The following MRPL3 variants were observed in gnomAD, a reference collection of about 807,000 sequenced individuals.
MRPL3 encodes the protein large ribosomal subunit protein uL3m.
Under a neutral mutation model 44.3 loss-of-function variants are expected in MRPL3, and 43 were observed. The ratio of observed to expected loss-of-function variants is 0.97; its 90% CI spans 0.76 to 1.25. The LOEUF is 1.25. Among genes scored for constraint, MRPL3 ranks in the 50% most tolerant of loss-of-function variants. The pLI is 0.00. For synonymous variants in MRPL3, 171 were observed against 152.3 expected (o/e 1.12, Z -0.91); for missense variants, 406 against 427.6 (o/e 0.95, Z 0.45).
chr3:131,474,193 C>T (rs759427113), intron 6 of MRPL3, among the ~76,000 whole-genome samples: 62 of 152,150 alleles, frequency 4.1e-4, no homozygotes, highest in Admixed American at 1.3e-4. Context: ...GGCACATATA[C>T]ACATGGAATA....
intron 2 of MRPL3, among the ~76,000 whole-genome samples, chr3:131,501,244 G>A (rs1934491107): frequency 6.6e-6 from 1 of 152,118 alleles, no homozygotes; most frequent in African/African-American, 2.4e-5. Context: ...TTTCTTTCCT[G>A]ACTTATATTC....
At chr3:131,502,635 C>G in intron 1 of MRPL3, 95 bp downstream of exon 1, 1 of 1,006,330 alleles carries the variant, frequency 9.9e-7, no homozygotes. Flanking sequence ...AACAGAGCCC[C>G]TTCCTCCTCC....
intron 6 of MRPL3, among the ~76,000 whole-genome samples, chr3:131,480,233 A>T (rs1288002212): frequency 6.6e-6 from 1 of 152,172 alleles, no homozygotes; most frequent in Non-Finnish European, 1.5e-5. Context: ...ATCTCTACTG[A>T]AGATCCCTGT....
chr3:131,500,303 G>A (rs1559835191), intron 3 of MRPL3, 127 bp downstream of exon 3: 2 of 711,358 alleles, frequency 2.8e-6, no homozygotes, highest in African/African-American at 1.8e-5. Flanking sequence ...TACTATTTAT[G>A]TTCAACATCA....
intron 6 of MRPL3, among the ~76,000 whole-genome samples, chr3:131,477,024 G>A (rs958952113): frequency 3.9e-5 from 6 of 152,006 alleles, no homozygotes; most frequent in South Asian, 2.1e-4. Context: ...AATGTTTCCC[G>A]CTGAATTCTA....
chr3:131,491,724 C>T (rs892513793), intron 4 of MRPL3, among the ~76,000 whole-genome samples: 1 of 152,086 alleles, frequency 6.6e-6, no homozygotes, highest in Admixed American at 6.5e-5. Context: ...ACTTACCACC[C>T]CATCCCAATG....
intron 6 of MRPL3, among the ~76,000 whole-genome samples, chr3:131,484,940 C>A (rs1274278973): frequency 6.6e-6 from 1 of 152,080 alleles, no homozygotes; most frequent in African/African-American, 2.4e-5. Context: ...ACTGTTAATA[C>A]AGTAAAAGTT....
intron 3 of MRPL3, among the ~76,000 whole-genome samples, chr3:131,499,372 A>G (rs1934443028): frequency 6.6e-6 from 1 of 152,172 alleles, no homozygotes; most frequent in Admixed American, 6.5e-5. Flanking sequence ...AATACTTGGA[A>G]GTGGAATTGC....
intron 6 of MRPL3, among the ~76,000 whole-genome samples, chr3:131,474,113 G>A (rs1255109842): frequency 2.6e-5 from 4 of 152,044 alleles, no homozygotes; most frequent in Admixed American, 2.0e-4. Flanking sequence ...TATTTATTGA[G>A]CACCATTCAC....
chr3:131,473,241 G>T (rs1209506504), intron 6 of MRPL3, among the ~76,000 whole-genome samples: 1 of 152,008 alleles, frequency 6.6e-6, no homozygotes, highest in Non-Finnish European at 1.5e-5. Flanking sequence ...ACAGAACAGA[G>T]AGCCCAGAAA....
At chr3:131,498,152 A>G (rs1187156678) in intron 4 of MRPL3, 27 bp downstream of exon 4, 12 of 1,401,872 alleles carry the variant, frequency 8.6e-6, no homozygotes, top group Non-Finnish European at 1.2e-5. Context: ...AAAATGCAGT[A>G]TTCTAGCTAT....
intron 6 of MRPL3, among the ~76,000 whole-genome samples, chr3:131,482,813 T>C (rs1213853234): frequency 1.3e-5 from 2 of 152,092 alleles, no homozygotes; most frequent in East Asian, 3.8e-4. Flanking sequence ...TGCACTGTCA[T>C]GAATTCAAAG....
chr3:131,502,224 A>G (rs1934514957), intron 1 of MRPL3, among the ~76,000 whole-genome samples: 1 of 152,252 alleles, frequency 6.6e-6, no homozygotes, highest in African/African-American at 2.4e-5. Context: ...GGCGGAGGTC[A>G]GGAAGAAGGG....
chr3:131,489,466 G>A (rs899611330), intron 5 of MRPL3, among the ~76,000 whole-genome samples: 33 of 152,064 alleles, frequency 2.2e-4, no homozygotes, highest in African/African-American at 7.7e-4. Flanking sequence ...CTGAAGTTCA[G>A]ACATCAAAAT....
At chr3:131,486,628 C>T (rs957799267) in intron 6 of MRPL3, among the ~76,000 whole-genome samples, 1 of 151,922 alleles carries the variant, frequency 6.6e-6, no homozygotes, top group Admixed American at 6.6e-5. Flanking sequence ...AAAAAACCAA[C>T]CCCATCAAAA....
intron 6 of MRPL3, among the ~76,000 whole-genome samples, chr3:131,484,616 G>C (rs553115515): frequency 6.6e-6 from 1 of 152,196 alleles, no homozygotes; most frequent in East Asian, 1.9e-4. Flanking sequence ...GCACATGTAT[G>C]TGTACATGTA....
At chr3:131,491,558 G>A (rs1934256631) in intron 4 of MRPL3, among the ~76,000 whole-genome samples, 2 of 151,986 alleles carry the variant, frequency 1.3e-5, no homozygotes, top group South Asian at 4.2e-4. Context: ...CCCTTCCCAG[G>A]CCTTCTTCCA....
intron 9 of MRPL3, among the ~76,000 whole-genome samples, chr3:131,467,528 A>T (rs937959469): frequency 1.3e-5 from 2 of 151,958 alleles, no homozygotes; most frequent in African/African-American, 4.8e-5. Context: ...ATGGGGGCAG[A>T]CTTCCCCCTT....
chr3:131,481,464 G>A (rs1933984141), intron 6 of MRPL3, among the ~76,000 whole-genome samples: 1 of 152,184 alleles, frequency 6.6e-6, no homozygotes, highest in Non-Finnish European at 1.5e-5. Context: ...TGGCTATGAA[G>A]TACATTTACA....
Sources: allele counts gnomAD v4.1 joint callset (sites outside exome capture counted in the v4.1 genomes callset), GRCh38; gene constraint gnomAD v4.1.1; transcripts MANE v1.5; gene names NCBI Gene and HGNC (gene_info 2026-07-23, HGNC 2026-07-21).